Variants in ZNF362 observed in about 807,000 individuals in gnomAD.
ZNF362 encodes the protein rotund homolog.
Under a neutral mutation model 42.9 loss-of-function variants are expected in ZNF362, and 11 were observed. That is an observed-to-expected ratio of 0.26 (90% confidence interval 0.16 to 0.42). The LOEUF (loss-of-function observed/expected upper bound fraction) is 0.42, where lower values mean the gene tolerates loss of function less well. ZNF362 is among the 20% of genes least tolerant of loss of function. The probability of loss-of-function intolerance (pLI) is 1.00; values close to 1 mark genes in which losing one functional copy is unlikely to be tolerated. For missense variants in ZNF362, 362 were observed against 576.2 expected (o/e 0.63, Z 3.81); for synonymous variants, 255 against 257.3 (o/e 0.99, Z 0.09).
the ZNF362 span, among the ~76,000 whole-genome samples, chr1:33,166,555 A>G: frequency 6.6e-6 from 1 of 152,170 alleles, no homozygotes; most frequent in African/African-American, 2.4e-5. Context: ...GGGAGGCACA[A>G]TTATTATCTC....
chr1:33,270,432 G>A (rs1459182791), intron 1 of ZNF362, 55 bp from the exon 2 acceptor site: 2 of 609,936 alleles, frequency 3.3e-6, no homozygotes, highest in Non-Finnish European at 6.0e-6. Context: ...ATGGTAGCTG[G>A]CACTTTACTA....
At chr1:33,286,018 G>A (rs1173984885) in intron 6 of ZNF362, among the ~76,000 whole-genome samples, 1 of 151,796 alleles carries the variant, frequency 6.6e-6, no homozygotes, top group Admixed American at 6.6e-5. Flanking sequence ...AGCTGAGATC[G>A]CACCACTGCA....
At chr1:33,205,698 G>C in the ZNF362 span, among the ~76,000 whole-genome samples, 1 of 152,062 alleles carries the variant, frequency 6.6e-6, no homozygotes, top group African/African-American at 2.4e-5. Flanking sequence ...TGGATCACCT[G>C]AGGTCAGGAG....
the ZNF362 span, among the ~76,000 whole-genome samples, chr1:33,130,780 A>G: frequency 2.0e-5 from 3 of 152,372 alleles, no homozygotes; most frequent in African/African-American, 7.2e-5. Context: ...AGACAGAAGT[A>G]GAGAAATTAG....
At chr1:33,195,136 C>T in the ZNF362 span, 18 of 152,234 alleles carry the variant, frequency 1.2e-4, no homozygotes, top group African/African-American at 4.3e-4. Flanking sequence ...TGCCAGTGGA[C>T]TAATACCTTT....
chr1:33,178,273 G>T, the ZNF362 span, among the ~76,000 whole-genome samples: 1 of 152,240 alleles, frequency 6.6e-6, no homozygotes, highest in Admixed American at 6.5e-5. Flanking sequence ...GAGAGAAGGG[G>T]ATGTGAGGGT....
At chr1:33,288,801 C>T (rs975912762) in intron 6 of ZNF362, among the ~76,000 whole-genome samples, 9 of 138,802 alleles carry the variant, frequency 6.5e-5, no homozygotes, top group South Asian at 2.3e-4. Flanking sequence ...GACTTCCCAT[C>T]GCCGCAGATG....
At chr1:33,235,028 T>C in the ZNF362 span, among the ~76,000 whole-genome samples, 3 of 152,096 alleles carry the variant, frequency 2.0e-5, no homozygotes, top group South Asian at 2.1e-4. Flanking sequence ...AGATTTAAGA[T>C]GCTTGACTCT....
chr1:33,222,774 C>T, the ZNF362 span, among the ~76,000 whole-genome samples: 1 of 152,170 alleles, frequency 6.6e-6, no homozygotes, highest in South Asian at 2.1e-4. Context: ...TGTTACCTCT[C>T]ATAGAGGCCT....
chr1:33,135,055 G>A, the ZNF362 span, among the ~76,000 whole-genome samples: 8 of 152,236 alleles, frequency 5.3e-5, no homozygotes, highest in Admixed American at 4.6e-4. Context: ...GGGAGCCGAT[G>A]TGGGTGGATC....
At chr1:33,161,896 T>G in the ZNF362 span, among the ~76,000 whole-genome samples, 2 of 152,130 alleles carry the variant, frequency 1.3e-5, no homozygotes, top group South Asian at 4.1e-4. This position sits in a 1 kb window ranked among gnomAD's most constrained non-coding sequence, Gnocchi z 4.3. Context: ...TCGGGGCTCA[T>G]CCAGGTCAGC....
At chr1:33,297,872 A>C (rs1646136672) in intron 8 of ZNF362, among the ~76,000 whole-genome samples, 1 of 152,230 alleles carries the variant, frequency 6.6e-6, no homozygotes, top group South Asian at 2.1e-4. Context: ...GTAGCTCAGT[A>C]GATCTTTTAA....
the ZNF362 span, among the ~76,000 whole-genome samples, chr1:33,219,477 AG>A: frequency 1.3e-5 from 2 of 152,198 alleles, no homozygotes; most frequent in African/African-American, 4.8e-5. Context: ...GAGCCCAGCG[AG>A]GAAGGGGAGG....
chr1:33,175,981 A>G, the ZNF362 span, among the ~76,000 whole-genome samples: 1 of 152,184 alleles, frequency 6.6e-6, no homozygotes, highest in African/African-American at 2.4e-5. Context: ...GTGCTCAGCA[A>G]AGGTATCCTG....
the ZNF362 span, among the ~76,000 whole-genome samples, chr1:33,207,499 A>C: frequency 1.3e-5 from 2 of 152,154 alleles, no homozygotes; most frequent in Non-Finnish European, 2.9e-5. Context: ...TGGTATTTCT[A>C]GTTCTAGATC....
chr1:33,158,166 C>A, the ZNF362 span: 1 of 1,239,820 alleles, frequency 8.1e-7, no homozygotes, highest in Non-Finnish European at 1.2e-6. Context: ...TTCACCCCAA[C>A]TGCCCCATGC....
rs1337783039 is a variant in ZNF362 at position 33,266,853 on chromosome 1, G to A, written c.-88-3634G>A. 6.6e-6 allele frequency among the ~76,000 whole-genome samples: 1 copy of A among 152,200 alleles called. No individual in the cohort carries two copies. Among genetic ancestry groups the A allele is most frequent in the Non-Finnish European group, 1.5e-5 (1 of 68,016 alleles). ...CCAAGGAGCACACCTGGTGAGATGA[G>A]TGTGGCCAGGGGACCTTCTTGGCGA... On this transcript the variant is annotated intron_variant, in intron 1 of 8. Transcript: ENST00000539719. The surrounding 1 kb of genome is among the most constrained non-coding windows in gnomAD (Gnocchi z 4.3).
At chr1:33,176,181 A>AATAT in the ZNF362 span, among the ~76,000 whole-genome samples, 2 of 152,222 alleles carry the variant, frequency 1.3e-5, no homozygotes, top group Non-Finnish European at 2.9e-5. Context: ...CATGCTACAA[A>AATAT]ATAAAGTGCC....
the ZNF362 span, chr1:33,176,269 C>T: frequency 9.8e-5 from 49 of 500,920 alleles, 1 homozygote; most frequent in Non-Finnish European, 5.5e-5. Flanking sequence ...CTAGTTCTTA[C>T]TTCCATTTCT....
Sources: gnomAD v4.1 joint callset for allele counts (sites outside exome capture counted in the v4.1 genomes callset) on GRCh38, gnomAD v4.1.1 for gene constraint, Gnocchi (gnomAD v3.1) non-coding constraint, MANE v1.5 for transcripts, NCBI Gene and HGNC (gene_info 2026-07-23, HGNC 2026-07-21) for gene names.